The following ADAMTS19 variants were observed in gnomAD, a reference collection of about 807,000 sequenced individuals.
ADAMTS19 encodes the protein ADAM metallopeptidase with thrombospondin type 1 motif 19, also known as A disintegrin and metalloproteinase with thrombospondin motifs 19.
In ADAMTS19, 93 loss-of-function variants were observed where a neutral mutation model predicts 153.3. The observed-to-expected ratio is 0.61, with a 90% CI of 0.51 to 0.72. The LOEUF is 0.72. Ranked by LOEUF, ADAMTS19 falls within the 30% of genes least tolerant of loss-of-function variation. The pLI is 0.00. For synonymous variants in ADAMTS19, 600 were observed against 556.6 expected, an observed-to-expected ratio of 1.08 and a Z score of -1.10; for missense variants, 1,482 against 1,552.1, an observed-to-expected ratio of 0.95 and a Z score of 0.76.
At chr5:129,559,053 G>A (rs1276213766) in intron 7 of ADAMTS19, among the ~76,000 whole-genome samples, 1 of 152,014 alleles carries the variant, frequency 6.6e-6, no homozygotes, top group African/African-American at 2.4e-5. Flanking sequence ...CTGTCAGGGA[G>A]AGGATACCAT....
In ADAMTS19 at chr5:129,704,220, C is replaced by T. The variant is rs1312720396; in HGVS notation, c.3160-19C>T. On this transcript the variant is annotated intron_variant, in intron 20 of 22. Coordinates refer to ENST00000274487, the MANE Select transcript of ADAMTS19 (RefSeq NM_133638.6). ...CCAATTCACCAACTTTATCTAAAAC[C>T]TCTGATGTTATCTTCCAGTGTTCAG... 1 of 1,607,070 alleles carries T rather than the reference C, an allele frequency of 6.2e-7. No homozygotes were observed. The highest frequency in any genetic ancestry group is 8.5e-7 in the Non-Finnish European group (1 of 1,176,914).
chr5:129,560,204 A>T (rs1753448870), intron 7 of ADAMTS19, among the ~76,000 whole-genome samples: 1 of 152,212 alleles, frequency 6.6e-6, no homozygotes, highest in African/African-American at 2.4e-5. Context: ...GGATTTAGCT[A>T]TCAGTCTAAC....
chr5:129,498,366 T>A (rs928193763), intron 2 of ADAMTS19, among the ~76,000 whole-genome samples: 2 of 152,102 alleles, frequency 1.3e-5, no homozygotes, highest in Non-Finnish European at 2.9e-5. Context: ...ACAGGAGCAA[T>A]ACCATTTCTT....
At chr5:129,460,712 A>C (rs1580968639) in intron 1 of ADAMTS19, 1 of 593,758 alleles carries the variant, frequency 1.7e-6, no homozygotes, top group East Asian at 2.9e-5. Context: ...TTAGAGCAAT[A>C]ATATTTGCAA....
At chr5:129,603,171 C>T (rs920689028) in intron 8 of ADAMTS19, among the ~76,000 whole-genome samples, 1 of 152,112 alleles carries the variant, frequency 6.6e-6, no homozygotes, top group African/African-American at 2.4e-5. Flanking sequence ...AGCGAGTGCA[C>T]AGATCACACT....
At chr5:129,645,522 A>C (rs1753022248) in intron 11 of ADAMTS19, among the ~76,000 whole-genome samples, 1 of 152,204 alleles carries the variant, frequency 6.6e-6, no homozygotes, top group East Asian at 1.9e-4. Flanking sequence ...ACTTTCTTCA[A>C]ATTTCACTGA....
intron 16 of ADAMTS19, among the ~76,000 whole-genome samples, chr5:129,678,168 A>C (rs1231059823): frequency 6.6e-6 from 1 of 152,050 alleles, no homozygotes; most frequent in Non-Finnish European, 1.5e-5. Flanking sequence ...TGGTCTGGCT[A>C]GTCCTCATTT....
intron 6 of ADAMTS19, among the ~76,000 whole-genome samples, chr5:129,533,510 G>A (rs1223585078): frequency 1.3e-5 from 2 of 152,040 alleles, no homozygotes; most frequent in Non-Finnish European, 2.9e-5. Flanking sequence ...CTTGCGAGTG[G>A]TCTATCAATT....
chr5:129,580,210 A>T (rs1380421027), intron 7 of ADAMTS19, among the ~76,000 whole-genome samples: 1 of 152,106 alleles, frequency 6.6e-6, no homozygotes, highest in African/African-American at 2.4e-5. Context: ...TGTGAATGGG[A>T]GTTCACTCAT....
intron 10 of ADAMTS19, among the ~76,000 whole-genome samples, chr5:129,633,766 A>T (rs1247083663): frequency 6.6e-6 from 1 of 152,150 alleles, no homozygotes; most frequent in Non-Finnish European, 1.5e-5. Flanking sequence ...AGCAGCTCAT[A>T]TCTTAGATCA....
At chr5:129,640,630 C>T (rs1232988688) in intron 10 of ADAMTS19, among the ~76,000 whole-genome samples, 1 of 151,998 alleles carries the variant, frequency 6.6e-6, no homozygotes, top group Non-Finnish European at 1.5e-5. Flanking sequence ...TCTGTCTTTT[C>T]AGCCTTGTTC....
chr5:129,623,873 C>G (rs1751897983), intron 10 of ADAMTS19, among the ~76,000 whole-genome samples: 1 of 151,726 alleles, frequency 6.6e-6, no homozygotes, highest in South Asian at 2.1e-4. Context: ...GTAATCCCAG[C>G]ACTTTGGGAG....
chr5:129,658,309 A>AAGAAAAAG (rs1454863600), intron 14 of ADAMTS19, among the ~76,000 whole-genome samples: 23 of 113,684 alleles, frequency 2.0e-4, no homozygotes, highest in Admixed American at 1.6e-3. Flanking sequence ...GAAAGAAAGA[A>AAGAAAAAG]AAAGAAAGAA....
intron 3 of ADAMTS19, among the ~76,000 whole-genome samples, chr5:129,521,666 G>A (rs1300449089): frequency 3.3e-5 from 5 of 152,220 alleles, no homozygotes; most frequent in Non-Finnish European, 7.4e-5. Flanking sequence ...CCTATAGGAT[G>A]AAGGAAGGAA....
At chr5:129,578,930 G>T (rs924411811) in intron 7 of ADAMTS19, among the ~76,000 whole-genome samples, 2 of 152,128 alleles carry the variant, frequency 1.3e-5, no homozygotes, top group African/African-American at 4.8e-5. Context: ...ATAGTAGAAT[G>T]ATTTATAATC....
chr5:129,594,279 GAA>G (rs962765851), intron 7 of ADAMTS19, among the ~76,000 whole-genome samples: 2 of 152,158 alleles, frequency 1.3e-5, no homozygotes, highest in African/African-American at 4.8e-5. Flanking sequence ...TAAAGTGACT[GAA>G]GTTTATATGT....
chr5:129,657,430 A>G (rs1753594320), intron 14 of ADAMTS19, among the ~76,000 whole-genome samples: 1 of 152,168 alleles, frequency 6.6e-6, no homozygotes, highest in African/African-American at 2.4e-5. Context: ...ATCCTTCTTA[A>G]TTAGGAGGAA....
intron 18 of ADAMTS19, 111 bp downstream of exon 18, chr5:129,684,384 A>G: frequency 1.4e-6 from 2 of 1,379,612 alleles, no homozygotes; most frequent in Non-Finnish European, 1.9e-6. Flanking sequence ...AAATCCATAA[A>G]GAGTTAGAAA....
At chr5:129,555,316 C>T (rs1027970277) in intron 7 of ADAMTS19, among the ~76,000 whole-genome samples, 4 of 152,028 alleles carry the variant, frequency 2.6e-5, no homozygotes, top group African/African-American at 9.7e-5. Context: ...CTTGTATTTT[C>T]AAAGCAATGG....
Sources: gnomAD v4.1 joint callset for allele counts (sites outside exome capture counted in the v4.1 genomes callset) on GRCh38, gnomAD v4.1.1 for gene constraint, MANE v1.5 for transcripts, NCBI Gene and HGNC (gene_info 2026-07-23, HGNC 2026-07-21) for gene names.